Variants in MCTP1 observed in about 807,000 individuals in gnomAD.
The protein encoded by MCTP1 is multiple C2 and transmembrane domain-containing protein 1.
Under a neutral mutation model 120.6 loss-of-function variants are expected in MCTP1, and 69 were observed. The observed-to-expected ratio is 0.57, with a 90% CI of 0.47 to 0.70. The LOEUF is 0.70. MCTP1 is among the 30% of genes least tolerant of loss of function. MCTP1 has a pLI of 0.00. For missense variants in MCTP1, 1,203 were observed against 1,248.8 expected (o/e 0.96, Z 0.55); for synonymous variants, 529 against 493.1 (o/e 1.07, Z -0.96).
chr5:95,151,155 A>ATATATATATATATATATT (rs1760863999), intron 1 of MCTP1, among the ~76,000 whole-genome samples: 1 of 144,836 alleles, frequency 6.9e-6, no homozygotes, highest in Non-Finnish European at 1.5e-5. Flanking sequence ...ATATATATAT[A>ATATATATATATATATATT]GTATTTTTAG....
intron 17 of MCTP1, among the ~76,000 whole-genome samples, chr5:94,844,269 T>C (rs1580993997): frequency 8.4e-6 from 1 of 118,586 alleles, no homozygotes; most frequent in Non-Finnish European, 1.6e-5. Context: ...GCCATTGCAC[T>C]CCAGCCTGGG....
Position 95,284,790 on chromosome 5 carries a change from G to T in MCTP1, c.-215C>A, listed in dbSNP as rs1760622334. Among the ~76,000 whole-genome samples, 1 of 152,060 alleles carries T rather than the reference G, an allele frequency of 6.6e-6. No homozygotes were observed. Among genetic ancestry groups the T allele is most frequent in the Non-Finnish European group, 1.5e-5 (1 of 67,976 alleles). ...CGCCGCCGAGGCTCTCTGGCCTCGG[G>T]ACTCCGGCGCTGCCTCTTCCTCCCG... On this transcript the variant is annotated 5_prime_UTR_variant, in exon 1 of 23. Transcript: ENST00000515393. This position sits in a 1 kb window ranked among gnomAD's most constrained non-coding sequence, Gnocchi z 5.2.
intron 19 of MCTP1, among the ~76,000 whole-genome samples, chr5:94,778,600 ATTCCAAAC>A (rs1214071860): frequency 1.3e-5 from 2 of 152,166 alleles, no homozygotes; most frequent in Non-Finnish European, 2.9e-5. Context: ...CCACGTGGCC[ATTCCAAAC>A]CTCGGCAAGG....
intron 1 of MCTP1, among the ~76,000 whole-genome samples, chr5:95,091,072 C>CT (rs1755807683): frequency 6.6e-6 from 1 of 152,152 alleles, no homozygotes; most frequent in South Asian, 2.1e-4. Flanking sequence ...GTACCTCAAA[C>CT]TAACACTGCC....
At position 94,873,228 on chromosome 5, in the gene MCTP1, TG is replaced by T; in HGVS notation, c.1946del (p.Pro649HisfsTer5). 5.0e-6 allele frequency: 8 copies of T among 1,603,354 alleles called. No individual in the cohort carries two copies. Among genetic ancestry groups the T allele is most frequent in the Non-Finnish European group, 6.8e-6 (8 of 1,171,046 alleles). ...CGTTGTTCAGTTCTACCACACAAAA[TG>T]GGTCACTTTTTCCTACAAGAGATTT... is the stretch of plus-strand genomic sequence containing the variant. Reference protein sequence around the residue: ...MAADVTGKSDPFCVVELNNDR... With the variant: ...MAADVTGKSDXFCVVELNNDR... On this transcript the variant is annotated frameshift_variant, in exon 13 of 23. Transcript: ENST00000515393. LOFTEE classifies it high-confidence loss of function.
At chr5:95,139,142 C>G (rs1759700449) in intron 1 of MCTP1, among the ~76,000 whole-genome samples, 1 of 151,934 alleles carries the variant, frequency 6.6e-6, no homozygotes, top group South Asian at 2.1e-4. Context: ...ACACATCCAT[C>G]AAAAAAGTTA....
chr5:94,942,030 A>G (rs1002336734), intron 4 of MCTP1, among the ~76,000 whole-genome samples: 2 of 152,038 alleles, frequency 1.3e-5, no homozygotes, highest in Non-Finnish European at 2.9e-5. Context: ...TTTATGCCCC[A>G]TTAAAACCAT....
At chr5:94,984,175 T>C (rs1830040097) in intron 2 of MCTP1, among the ~76,000 whole-genome samples, 1 of 152,198 alleles carries the variant, frequency 6.6e-6, no homozygotes, top group African/African-American at 2.4e-5. Context: ...TCCAGACTTA[T>C]TACTCTCCCA....
intron 1 of MCTP1, among the ~76,000 whole-genome samples, chr5:95,244,305 TG>T (rs1287330634): frequency 6.6e-6 from 1 of 152,226 alleles, no homozygotes; most frequent in Non-Finnish European, 1.5e-5. Context: ...CTGAGGTACC[TG>T]GTTCATCTCA....
intron 1 of MCTP1, among the ~76,000 whole-genome samples, chr5:95,215,266 C>A (rs1490181688): frequency 6.6e-6 from 1 of 152,158 alleles, no homozygotes; most frequent in East Asian, 1.9e-4. Flanking sequence ...TAACTGATTT[C>A]TTATTCCTTG....
intron 2 of MCTP1, among the ~76,000 whole-genome samples, chr5:94,968,038 T>C (rs779010917): frequency 3.9e-5 from 6 of 152,204 alleles, no homozygotes; most frequent in Non-Finnish European, 8.8e-5. Flanking sequence ...GTCCTTAATA[T>C]TTCAAGACCC....
intron 1 of MCTP1, among the ~76,000 whole-genome samples, chr5:95,081,178 A>G (rs1481508491): frequency 4.6e-5 from 7 of 152,206 alleles, no homozygotes; most frequent in Non-Finnish European, 1.0e-4. Flanking sequence ...TAAAGCTACC[A>G]CAATGTTTCC....
intron 1 of MCTP1, among the ~76,000 whole-genome samples, chr5:95,098,247 T>A (rs554211607): frequency 6.6e-6 from 1 of 152,302 alleles, no homozygotes; most frequent in African/African-American, 2.4e-5. Flanking sequence ...ACTTTGCCTA[T>A]TTTTTAGTGT....
chr5:95,251,274 A>T (rs1241940034), intron 1 of MCTP1, among the ~76,000 whole-genome samples: 1 of 152,002 alleles, frequency 6.6e-6, no homozygotes, highest in East Asian at 1.9e-4. Flanking sequence ...AAGCGCAAAG[A>T]CCCTGAAGTG....
intron 2 of MCTP1, among the ~76,000 whole-genome samples, chr5:94,965,811 A>G (rs1446518924): frequency 6.6e-6 from 1 of 152,164 alleles, no homozygotes; most frequent in Non-Finnish European, 1.5e-5. Context: ...ATAGAATAAT[A>G]CCTTATAAAA....
At chr5:95,170,443 T>C (rs550174224) in intron 1 of MCTP1, among the ~76,000 whole-genome samples, 73 of 152,382 alleles carry the variant, frequency 4.8e-4, no homozygotes, top group African/African-American at 1.7e-3. Flanking sequence ...GGTGCAGAGC[T>C]GAGTTCAATT....
rs989887184 is a variant in MCTP1, at chr5:94,705,671, C to T, written c.*1825G>A. The T allele has an allele frequency of 6.6e-6, 1 of 151,602 alleles. No individual in the cohort carries two copies. Among genetic ancestry groups the T allele is most frequent in the Non-Finnish European group, 1.5e-5 (1 of 67,728 alleles). The allele number at this position is 151,602 out of a possible 1,614,324, so 9.4% of individuals were successfully genotyped here. ...GTTAATGGTTACTATCCACTAGATA[C>T]ATCTGAGGTTGTAGAATATCAGGCT... On this transcript the variant is annotated 3_prime_UTR_variant, in exon 23 of 23. Coordinates refer to ENST00000515393, the MANE Select transcript of MCTP1 (RefSeq NM_024717.7).
At chr5:95,244,894 G>A (rs1038838819) in intron 1 of MCTP1, among the ~76,000 whole-genome samples, 3 of 152,058 alleles carry the variant, frequency 2.0e-5, no homozygotes, top group African/African-American at 7.2e-5. Flanking sequence ...CTCAAGTGTC[G>A]CCTGACTGGG....
chr5:94,980,795 C>T (rs1003011272), intron 2 of MCTP1: 29 of 151,984 alleles, frequency 1.9e-4, no homozygotes, highest in Non-Finnish European at 3.7e-4. Flanking sequence ...AGATGAGCAA[C>T]TAAAAGTTTT....
Sources: gnomAD v4.1 joint callset for allele counts (sites outside exome capture counted in the v4.1 genomes callset) on GRCh38, gnomAD v4.1.1 for gene constraint, Gnocchi (gnomAD v3.1) non-coding constraint, MANE v1.5 for transcripts, NCBI Gene and HGNC (gene_info 2026-07-23, HGNC 2026-07-21) for gene names.